CACNB2: variants seen among roughly 807,000 people sequenced by gnomAD.
The protein encoded by CACNB2 is voltage-dependent L-type calcium channel subunit beta-2.
CACNB2 carries 42 observed loss-of-function variants against 73.3 expected under a neutral mutation model. The ratio of observed to expected loss-of-function variants is 0.57; its 90% CI spans 0.45 to 0.74. The LOEUF is 0.74. Among genes scored for constraint, CACNB2 ranks in the 30% least tolerant of loss-of-function variants. The probability of loss-of-function intolerance (pLI) is 0.00; values close to 1 mark genes in which losing one functional copy is unlikely to be tolerated. For synonymous variants in CACNB2, 348 were observed against 310.3 expected (o/e 1.12, Z -1.28); for missense variants, 940 against 853.0 (o/e 1.10, Z -1.27).
At chr10:18,346,566 A>G (rs2041464773) in intron 2 of CACNB2, among the ~76,000 whole-genome samples, 1 of 151,780 alleles carries the variant, frequency 6.6e-6, no homozygotes, top group East Asian at 2.0e-4. Context: ...TCAGTTACCT[A>G]GCTTTGTTAA....
At chr10:18,315,997 ATAAT>A (rs895111294) in intron 2 of CACNB2, among the ~76,000 whole-genome samples, 3 of 152,180 alleles carry the variant, frequency 2.0e-5, no homozygotes, top group African/African-American at 7.2e-5. Flanking sequence ...TGTTTTTAGC[ATAAT>A]TTATTTAGTC....
chr10:18,476,278 G>T (rs950922031), intron 3 of CACNB2, among the ~76,000 whole-genome samples: 9 of 152,152 alleles, frequency 5.9e-5, no homozygotes, highest in African/African-American at 2.2e-4. Flanking sequence ...ACAGTGGAGG[G>T]TGTCCACGTT....
intron 2 of CACNB2, among the ~76,000 whole-genome samples, chr10:18,231,027 G>T (rs1246855174): frequency 6.6e-6 from 1 of 152,136 alleles, no homozygotes; most frequent in African/African-American, 2.4e-5. Flanking sequence ...GAAAGGATGC[G>T]TCTCAGTGTT....
At chr10:18,431,750 T>C (rs565636251) in intron 3 of CACNB2, among the ~76,000 whole-genome samples, 74 of 136,138 alleles carry the variant, frequency 5.4e-4, no homozygotes, top group African/African-American at 2.0e-3. Flanking sequence ...TTTGTTGACC[T>C]CATTGAATCT....
intron 2 of CACNB2, among the ~76,000 whole-genome samples, chr10:18,384,515 C>T (rs1279747237): frequency 6.6e-6 from 1 of 151,876 alleles, no homozygotes; most frequent in Non-Finnish European, 1.5e-5. Context: ...CGCTTGAGCT[C>T]AGGACTTCGA....
chr10:18,476,800 G>A (rs758984528), intron 3 of CACNB2, among the ~76,000 whole-genome samples: 5 of 152,066 alleles, frequency 3.3e-5, no homozygotes, highest in Non-Finnish European at 7.4e-5. Flanking sequence ...ATCACTTGAG[G>A]TCAGGAGTTC....
intron 2 of CACNB2, among the ~76,000 whole-genome samples, chr10:18,353,954 T>A (rs2041815037): frequency 6.6e-6 from 1 of 152,224 alleles, no homozygotes; most frequent in African/African-American, 2.4e-5. Context: ...TGGTGAATAT[T>A]TGAAAAAGCT....
chr10:18,426,625 A>T (rs1392381965), intron 3 of CACNB2, among the ~76,000 whole-genome samples: 1 of 152,208 alleles, frequency 6.6e-6, no homozygotes, highest in East Asian at 1.9e-4. Flanking sequence ...GGATCACCTG[A>T]GGCCAGGAGT....
At chr10:18,164,799 TTCTC>T (rs887260258) in intron 2 of CACNB2, among the ~76,000 whole-genome samples, 4 of 152,152 alleles carry the variant, frequency 2.6e-5, no homozygotes, top group Non-Finnish European at 5.9e-5. Context: ...ATGAAACTAT[TTCTC>T]TGACCGTTTT....
At chr10:18,274,474 A>G (rs771429895) in intron 2 of CACNB2, among the ~76,000 whole-genome samples, 2 of 152,208 alleles carry the variant, frequency 1.3e-5, no homozygotes, top group Non-Finnish European at 2.9e-5. Context: ...CTCACCTTGT[A>G]TGTAAGCACT....
At chr10:18,457,445 T>C (rs2047341035) in intron 3 of CACNB2, among the ~76,000 whole-genome samples, 1 of 152,170 alleles carries the variant, frequency 6.6e-6, no homozygotes, top group Non-Finnish European at 1.5e-5. Flanking sequence ...CTTAATGCTA[T>C]CACCTTAGAC....
intron 2 of CACNB2, among the ~76,000 whole-genome samples, chr10:18,186,309 C>T (rs1239951475): frequency 6.6e-6 from 1 of 151,950 alleles, no homozygotes; most frequent in Non-Finnish European, 1.5e-5. Context: ...ATCCCAGCTA[C>T]TTGGGAGGCT....
chr10:18,368,780 T>G (rs2042457118), intron 2 of CACNB2, among the ~76,000 whole-genome samples: 1 of 152,108 alleles, frequency 6.6e-6, no homozygotes, highest in Admixed American at 6.6e-5. Flanking sequence ...AGCCAGTTTT[T>G]CATGAATAAT....
At chr10:18,163,254 T>C (rs554507798) in intron 2 of CACNB2, among the ~76,000 whole-genome samples, 14 of 152,346 alleles carry the variant, frequency 9.2e-5, no homozygotes, top group African/African-American at 3.4e-4. Flanking sequence ...GTATCCCCGT[T>C]TAACAGATGA....
At chr10:18,490,443 A>G (rs1047137810) in intron 3 of CACNB2, among the ~76,000 whole-genome samples, 2 of 152,098 alleles carry the variant, frequency 1.3e-5, no homozygotes, top group African/African-American at 4.8e-5. Flanking sequence ...TGGAACAGGG[A>G]GAAGCAAAAA....
chr10:18,518,965 G>A lies in CACNB2; in HGVS notation c.941G>A (p.Gly314Glu). 6.2e-7 allele frequency: 1 copy of A among 1,613,598 alleles called. No homozygotes were observed. Among genetic ancestry groups the A allele is most frequent in the Non-Finnish European group, 8.5e-7 (1 of 1,179,588 alleles). The change falls in exon 9 of 14, where the codon GGG (glycine) becomes GAG (glutamate). Residue 314 changes from glycine (G) to glutamate (E), a missense_variant. Gly to Glu is a moderately conservative substitution (Grantham distance 98). Transcript: ENST00000324631. ...GATTTTTTAAAACACAGATTTGAAG[G>A]GCGGTGAGTATTTCAGCATACTGGG... ...LFDFLKHRFE[G>E]RISITRVTAD...
chr10:18,461,385 C>G (rs2047567362), intron 3 of CACNB2, among the ~76,000 whole-genome samples: 1 of 152,140 alleles, frequency 6.6e-6, no homozygotes, highest in Admixed American at 6.6e-5. Flanking sequence ...AAGGCTTTAA[C>G]TTTCTTGTTT....
intron 3 of CACNB2, among the ~76,000 whole-genome samples, chr10:18,457,798 G>A (rs541408060): frequency 2.0e-5 from 3 of 152,240 alleles, no homozygotes; most frequent in African/African-American, 4.8e-5. Flanking sequence ...GCTGAGGCAG[G>A]AGAATCACTT....
At chr10:18,372,277 C>T (rs1381826042) in intron 2 of CACNB2, among the ~76,000 whole-genome samples, 1 of 152,068 alleles carries the variant, frequency 6.6e-6, no homozygotes, top group Non-Finnish European at 1.5e-5. Flanking sequence ...AAGTCCTTGC[C>T]CATGCCTATG....
Sources: allele counts gnomAD v4.1 joint callset (sites outside exome capture counted in the v4.1 genomes callset), GRCh38; gene constraint gnomAD v4.1.1; transcripts MANE v1.5; gene names NCBI Gene and HGNC (gene_info 2026-07-23, HGNC 2026-07-21).